ADK: variants seen among roughly 807,000 people sequenced by gnomAD.
ADK encodes N6,N6-dimethyladenosine kinase.
A neutral mutation model predicts 44.7 loss-of-function variants in ADK; 24 were observed. That is an observed-to-expected ratio of 0.54 (90% CI 0.39 to 0.76). ADK has a LOEUF of 0.76. ADK is among the 30% of genes least tolerant of loss of function. ADK has a pLI of 0.00. For synonymous variants in ADK, 128 were observed against 142.6 expected, an observed-to-expected ratio of 0.90 and a Z score of 0.73; for missense variants, 321 against 425.1, an observed-to-expected ratio of 0.76 and a Z score of 2.15.
intron 1 of ADK, among the ~76,000 whole-genome samples, chr10:74,168,900 C>T (rs1363185020): frequency 1.1e-4 from 16 of 152,144 alleles, no homozygotes; most frequent in Admixed American, 6.5e-5. Flanking sequence ...CGTGAGCCAC[C>T]GTGCCTTGCC....
At chr10:74,159,017 A>G (rs1841825859) in intron 1 of ADK, among the ~76,000 whole-genome samples, 1 of 152,208 alleles carries the variant, frequency 6.6e-6, no homozygotes, top group Non-Finnish European at 1.5e-5. Flanking sequence ...CTTGAAGAAG[A>G]TACATTCTGA....
chr10:74,708,402 G>T lies in ADK; in HGVS notation c.1046G>T (p.Arg349Ile). 6.2e-7 allele frequency: 1 copy of T among 1,612,672 alleles called. No homozygotes were observed. The change falls in exon 11 of 11, where the codon AGA becomes ATA. Residue 349 changes from arginine to isoleucine, a missense_variant. By Grantham distance (97) the Arg-to-Ile change is moderately conservative (BLOSUM62 -3). Coordinates refer to ENST00000539909, the MANE Select transcript of ADK (RefSeq NM_006721.4). ...AGHYAASIII[R>I]RTGCTFPEKP... Reference sequence around the variant, plus strand: ...CACTATGCAGCAAGCATCATAATTAGACGGACTGGCTGCACCTTTCCTGAG... The same window carrying T: ...CACTATGCAGCAAGCATCATAATTATACGGACTGGCTGCACCTTTCCTGAG...
chr10:74,553,882 C>A (rs1183002463), intron 7 of ADK, among the ~76,000 whole-genome samples: 1 of 152,062 alleles, frequency 6.6e-6, no homozygotes. Flanking sequence ...ACTAATAAAT[C>A]TCACCATTTT....
At chr10:74,463,240 A>G (rs1019884967) in intron 6 of ADK, among the ~76,000 whole-genome samples, 2 of 152,146 alleles carry the variant, frequency 1.3e-5, no homozygotes, top group African/African-American at 4.8e-5. Flanking sequence ...GGATTATTCA[A>G]GTGCATTGCA....
At chr10:74,458,119 CTTTTTT>C (rs1172945144) in intron 6 of ADK, among the ~76,000 whole-genome samples, 8 of 74,478 alleles carry the variant, frequency 1.1e-4, no homozygotes, top group South Asian at 9.6e-4. Context: ...TGCATTAAAA[CTTTTTT>C]TTTTTTTTTT....
intron 3 of ADK, among the ~76,000 whole-genome samples, chr10:74,297,447 A>T (rs1839856702): frequency 6.6e-6 from 1 of 152,276 alleles, no homozygotes. Context: ...CAAATTTAAC[A>T]CTAAATATTT....
chr10:74,321,731 C>T (rs1161217483), intron 4 of ADK, among the ~76,000 whole-genome samples: 1 of 152,082 alleles, frequency 6.6e-6, no homozygotes, highest in Non-Finnish European at 1.5e-5. Flanking sequence ...TTTAAGAGGA[C>T]TGCCTAAATG....
chr10:74,253,413 A>G (rs1363823406), intron 3 of ADK, among the ~76,000 whole-genome samples: 1 of 152,132 alleles, frequency 6.6e-6, no homozygotes, highest in Admixed American at 6.5e-5. Context: ...AGCAGTGTTG[A>G]CATGGCACAC....
chr10:74,273,910 T>A (rs1336957413), intron 3 of ADK, among the ~76,000 whole-genome samples: 1 of 152,258 alleles, frequency 6.6e-6, no homozygotes, highest in Non-Finnish European at 1.5e-5. Context: ...TATGCAATTT[T>A]TTTTGTGAAT....
intron 6 of ADK, among the ~76,000 whole-genome samples, chr10:74,419,499 AC>A (rs879858114): frequency 6.6e-6 from 1 of 152,196 alleles, no homozygotes; most frequent in African/African-American, 2.4e-5. Context: ...TTCTAATCAA[AC>A]CCTGGAACAA....
At chr10:74,665,648 T>G (rs987548613) in intron 9 of ADK, among the ~76,000 whole-genome samples, 1 of 151,688 alleles carries the variant, frequency 6.6e-6, no homozygotes, top group African/African-American at 2.4e-5. Context: ...GGCAGGAGGA[T>G]CCTTTTAGCC....
At chr10:74,420,041 CA>C (rs1351095750) in intron 6 of ADK, among the ~76,000 whole-genome samples, 1 of 152,096 alleles carries the variant, frequency 6.6e-6, no homozygotes, top group African/African-American at 2.4e-5. Flanking sequence ...ACACTGCCAC[CA>C]GGGGGAGGAA....
intron 7 of ADK, among the ~76,000 whole-genome samples, chr10:74,545,394 C>T (rs948852433): frequency 2.1e-4 from 32 of 152,066 alleles, no homozygotes; most frequent in African/African-American, 7.0e-4. Flanking sequence ...TTCGTGGTAC[C>T]CTTATACTAA....
At chr10:74,514,549 T>A (rs1158602102) in intron 6 of ADK, among the ~76,000 whole-genome samples, 1 of 152,104 alleles carries the variant, frequency 6.6e-6, no homozygotes, top group Non-Finnish European at 1.5e-5. Context: ...TAGCTCTTTA[T>A]TGTATTTTTT....
intron 4 of ADK, among the ~76,000 whole-genome samples, chr10:74,318,818 A>G (rs931134110): frequency 1.3e-5 from 2 of 152,244 alleles, no homozygotes; most frequent in East Asian, 3.8e-4. Context: ...TTTTTATAGA[A>G]CTATAAACTA....
chr10:74,245,161 G>A (rs2132315060), intron 3 of ADK, among the ~76,000 whole-genome samples: 1 of 152,162 alleles, frequency 6.6e-6, no homozygotes. Context: ...TCTTCTGGAA[G>A]GGTACATGTA....
intron 3 of ADK, among the ~76,000 whole-genome samples, chr10:74,284,117 C>T (rs1847060017): frequency 6.6e-6 from 1 of 152,116 alleles, no homozygotes; most frequent in Non-Finnish European, 1.5e-5. Flanking sequence ...TGCCACCATG[C>T]CCGGCTAATT....
chr10:74,193,406 C>A (rs1206370199), intron 1 of ADK, among the ~76,000 whole-genome samples: 1 of 151,890 alleles, frequency 6.6e-6, no homozygotes, highest in Non-Finnish European at 1.5e-5. Context: ...CCTCCTCCCG[C>A]CTCCCCCCAC....
At chr10:74,253,702 A>G (rs1268244908) in intron 3 of ADK, among the ~76,000 whole-genome samples, 2 of 151,402 alleles carry the variant, frequency 1.3e-5, no homozygotes, top group African/African-American at 4.9e-5. Flanking sequence ...CTAAGAATGT[A>G]TATGACATTA....
Sources: allele counts gnomAD v4.1 joint callset (sites outside exome capture counted in the v4.1 genomes callset), GRCh38; gene constraint gnomAD v4.1.1; transcripts MANE v1.5; gene names NCBI Gene and HGNC (gene_info 2026-07-23, HGNC 2026-07-21).